EFCAB5: variants seen among roughly 807,000 people sequenced by gnomAD.
EFCAB5 encodes the protein EF-hand calcium-binding domain-containing protein 5.
Under a neutral mutation model 167.9 loss-of-function variants are expected in EFCAB5, and 131 were observed. The ratio of observed to expected loss-of-function variants is 0.78; its 90% CI spans 0.68 to 0.90. The LOEUF is 0.90. Ranked by LOEUF, EFCAB5 falls within the 40% of genes least tolerant of loss-of-function variation. The pLI is 0.00. For synonymous variants in EFCAB5, 574 were observed against 602.8 expected (o/e 0.95, Z 0.70); for missense variants, 1,663 against 1,745.2 (o/e 0.95, Z 0.84).
intron 14 of EFCAB5, among the ~76,000 whole-genome samples, chr17:30,072,923 C>T (rs915035837): frequency 1.3e-5 from 2 of 152,162 alleles, no homozygotes; most frequent in Middle Eastern, 6.8e-3. Context: ...TTCATGGTTT[C>T]CTTTTTTATT....
intron 15 of EFCAB5, among the ~76,000 whole-genome samples, chr17:30,079,280 C>T (rs942222162): frequency 2.0e-5 from 3 of 152,046 alleles, no homozygotes; most frequent in Non-Finnish European, 4.4e-5. Context: ...CTTCAGAGGT[C>T]TGTGGTATCC....
intron 3 of EFCAB5, among the ~76,000 whole-genome samples, chr17:29,951,625 G>A (rs577342583): frequency 2.3e-4 from 35 of 152,086 alleles, no homozygotes; most frequent in African/African-American, 7.7e-4. Flanking sequence ...AAAGTGCTGG[G>A]ATTACAGGTG....
intron 8 of EFCAB5, among the ~76,000 whole-genome samples, chr17:30,038,798 T>C (rs1488581398): frequency 1.3e-5 from 2 of 152,228 alleles, no homozygotes; most frequent in African/African-American, 4.8e-5. Context: ...TGATTTTTCT[T>C]CTTGGCACCA....
intron 15 of EFCAB5, among the ~76,000 whole-genome samples, chr17:30,079,275 G>C (rs1312691659): frequency 6.6e-6 from 1 of 152,162 alleles, no homozygotes; most frequent in East Asian, 1.9e-4. Context: ...ACTTGCTTCA[G>C]AGGTCTGTGG....
In EFCAB5 at chr17:30,055,939, A is replaced by C. The variant is rs1255383474; in HGVS notation, c.2246A>C (p.Gln749Pro). The C allele has an allele frequency of 6.2e-7, 1 of 1,613,572 alleles. No individual in the cohort carries two copies. The highest frequency in any genetic ancestry group is 8.5e-7 in the Non-Finnish European group (1 of 1,179,776). ...GACAAGCCCTGTGAACCCAAGTCCCAAAAAATAGAAGGAAAGTCATGGTCA... is the reference window on the plus strand; with the variant it reads ...GACAAGCCCTGTGAACCCAAGTCCCCAAAAATAGAAGGAAAGTCATGGTCA... ...QKDKPCEPKS[Q>P]KIEGKSWSGE... Residue 749 changes from glutamine (Q) to proline (P), a missense_variant, in exon 11 of 23, where the codon CAA (glutamine) becomes CCA (proline). Coordinates refer to ENST00000394835, the MANE Select transcript of EFCAB5 (RefSeq NM_198529.4).
intron 7 of EFCAB5, among the ~76,000 whole-genome samples, chr17:30,017,403 C>T (rs1288889048): frequency 6.6e-6 from 1 of 152,050 alleles, no homozygotes; most frequent in Admixed American, 6.6e-5. Flanking sequence ...TCATTAATTT[C>T]TTAGGTGAAC....
chr17:29,951,557 A>G (rs534916757), intron 3 of EFCAB5, among the ~76,000 whole-genome samples: 26 of 150,220 alleles, frequency 1.7e-4, no homozygotes, highest in South Asian at 8.4e-4. Context: ...GGGTTTCACC[A>G]TGTTAGCCAG....
chr17:30,010,605 T>C (rs2068874639), intron 7 of EFCAB5, among the ~76,000 whole-genome samples: 1 of 152,262 alleles, frequency 6.6e-6, no homozygotes, highest in Non-Finnish European at 1.5e-5. Context: ...AATGTCTTCT[T>C]TTGAAAAGTG....
Position 30,087,045 on chromosome 17 carries a change from T to C in EFCAB5, c.3580-18T>C, listed in dbSNP as rs780201836. 6.2e-7 allele frequency: 1 copy of C among 1,609,188 alleles called. No homozygotes were observed. The highest frequency in any genetic ancestry group is 1.1e-5 in the South Asian group (1 of 90,914). On this transcript the variant is annotated intron_variant, in intron 18 of 22. Transcript: ENST00000394835. ...TGAGGTCTAATTACTCCTAATGAAA[T>C]GCCTTCCTCTTTTCAAGGATTCAGA...
chr17:29,974,658 C>T (rs547761545), intron 4 of EFCAB5, among the ~76,000 whole-genome samples: 89 of 152,144 alleles, frequency 5.8e-4, no homozygotes, highest in African/African-American at 2.0e-3. Context: ...TCCTTTTTAA[C>T]CATGACTCAA....
intron 1 of EFCAB5, chr17:29,930,228 T>A (rs746346775): frequency 3.1e-4 from 170 of 549,334 alleles, no homozygotes; most frequent in Non-Finnish European, 3.3e-4. Flanking sequence ...CGGGGCACAA[T>A]GAGCGCTCCC....
intron 3 of EFCAB5, among the ~76,000 whole-genome samples, chr17:29,965,978 G>T (rs2067819221): frequency 6.6e-6 from 1 of 151,522 alleles, no homozygotes; most frequent in South Asian, 2.1e-4. Context: ...TTATTAATTG[G>T]TAGTTCCAAG....
chr17:30,051,003 G>T, intron 8 of EFCAB5, 115 bp from the exon 9 acceptor site: 2 of 755,804 alleles, frequency 2.6e-6, no homozygotes, highest in Non-Finnish European at 2.2e-6. Flanking sequence ...TTATTTACAT[G>T]ATAATGATTG....
At chr17:30,101,683 C>T (rs78048376) in intron 22 of EFCAB5, among the ~76,000 whole-genome samples, 2,039 of 152,238 alleles carry the variant, frequency 0.013, 40 homozygotes, top group African/African-American at 0.047. Context: ...TGAGTAGAGA[C>T]GATTCTGAAT....
chr17:29,984,625 G>A (rs1029220161), intron 4 of EFCAB5, among the ~76,000 whole-genome samples: 4 of 152,124 alleles, frequency 2.6e-5, no homozygotes, highest in African/African-American at 9.7e-5. Flanking sequence ...GGCTGAGGCA[G>A]GAGAATTGCT....
rs1268424060 is a variant in EFCAB5 at position 30,083,016 on chromosome 17, G to A, written c.3552G>A (p.Thr1184=). The A allele has an allele frequency of 6.8e-6, 11 of 1,613,786 alleles. No homozygotes were observed. Among genetic ancestry groups the A allele is most frequent in the Non-Finnish European group, 7.6e-6 (9 of 1,179,874 alleles). The change falls in exon 18 of 23, where the codon ACG becomes ACA. Residue 1184 remains threonine, a synonymous_variant. Coordinates refer to ENST00000394835, the MANE Select transcript of EFCAB5 (RefSeq NM_198529.4). Reference sequence around the variant, plus strand: ...CATCCAGCATCACCTCCATCACTACGTACTTTGTAGAGCCTAGCCCAGCCC... The same window carrying A: ...CATCCAGCATCACCTCCATCACTACATACTTTGTAGAGCCTAGCCCAGCCC... ...DVTSSITSIT[T]YFVEPSPAQD...
At chr17:30,074,864 G>A (rs1195393795) in intron 14 of EFCAB5, among the ~76,000 whole-genome samples, 1 of 152,028 alleles carries the variant, frequency 6.6e-6, no homozygotes, top group African/African-American at 2.4e-5. Context: ...CCCCAAGCCA[G>A]CATCTGGGTT....
intron 4 of EFCAB5, among the ~76,000 whole-genome samples, chr17:29,978,789 G>A (rs1034015142): frequency 6.6e-6 from 1 of 152,204 alleles, no homozygotes; most frequent in African/African-American, 2.4e-5. Flanking sequence ...TCATTTAAAA[G>A]TATCCAGTGA....
chr17:30,000,195 C>T (rs186214970), intron 7 of EFCAB5, among the ~76,000 whole-genome samples: 5 of 152,232 alleles, frequency 3.3e-5, no homozygotes, highest in Non-Finnish European at 5.9e-5. Context: ...AAATCGTCCA[C>T]TGACACCTTC....
Sources: allele counts gnomAD v4.1 joint callset (sites outside exome capture counted in the v4.1 genomes callset), GRCh38; gene constraint gnomAD v4.1.1; transcripts MANE v1.5; gene names NCBI Gene and HGNC (gene_info 2026-07-23, HGNC 2026-07-21).